Variants in ITFG1 observed in about 807,000 individuals in gnomAD.
The protein encoded by ITFG1 is T-cell immunomodulatory protein.
ITFG1 carries 34 observed loss-of-function variants against 81.8 expected under a neutral mutation model. The ratio of observed to expected loss-of-function variants is 0.42; its 90% CI spans 0.32 to 0.55. The LOEUF (loss-of-function observed/expected upper bound fraction) is 0.55, where lower values mean the gene tolerates loss of function less well. Among genes scored for constraint, ITFG1 ranks in the 20% least tolerant of loss-of-function variants. The pLI is 0.17. For synonymous variants in ITFG1, 285 were observed against 270.6 expected, an observed-to-expected ratio of 1.05 and a Z score of -0.52; for missense variants, 672 against 755.4, an observed-to-expected ratio of 0.89 and a Z score of 1.29.
chr16:47,344,886 C>G (rs914549559), intron 8 of ITFG1, among the ~76,000 whole-genome samples: 1 of 152,184 alleles, frequency 6.6e-6, no homozygotes, highest in Non-Finnish European at 1.5e-5. Context: ...CATGCTGTTG[C>G]AAATGACAGG....
At chr16:47,291,334 T>C (rs1449702361) in intron 10 of ITFG1, among the ~76,000 whole-genome samples, 1 of 152,208 alleles carries the variant, frequency 6.6e-6, no homozygotes, top group Non-Finnish European at 1.5e-5. Flanking sequence ...TGTTCTTTTT[T>C]GCTTTTTCTC....
rs1451913981 is a variant in ITFG1, at chr16:47,313,760, G to C, written c.866C>G (p.Thr289Ser). The change falls in exon 9 of 18, where the codon ACC (threonine) becomes AGC (serine). Residue 289 changes from threonine to serine, a missense_variant. Physicochemically the swap from Thr to Ser is moderately conservative, Grantham distance 58 (BLOSUM62 1). This residue lies in a region of ITFG1 where 560 missense variants were observed against 625.7 expected (regional missense o/e 0.90). Coordinates refer to ENST00000320640, the MANE Select transcript of ITFG1 (RefSeq NM_030790.5). Reference sequence around the variant, plus strand: ...CATCCCAGATCTCACTAAGTAGATGGTACTCTTTTGGCAATTTTTATCTTC... The same window carrying C: ...CATCCCAGATCTCACTAAGTAGATGCTACTCTTTTGGCAATTTTTATCTTC... Reference protein sequence around the residue: ...GCEDKNCQKSTIYLVRSGMKQ... With the variant: ...GCEDKNCQKSSIYLVRSGMKQ... 2 of 1,604,840 alleles carry C rather than the reference G, an allele frequency of 1.2e-6. No homozygotes were observed. The highest frequency in any genetic ancestry group is 1.7e-6 in the Non-Finnish European group (2 of 1,173,378).
At chr16:47,422,060 T>G (rs1460083525) in intron 6 of ITFG1, among the ~76,000 whole-genome samples, 1 of 152,244 alleles carries the variant, frequency 6.6e-6, no homozygotes, top group Non-Finnish European at 1.5e-5. Flanking sequence ...TGCCACATTT[T>G]CTTAACCCAG....
chr16:47,445,806 G>A (rs1459814579), intron 5 of ITFG1, among the ~76,000 whole-genome samples: 2 of 152,164 alleles, frequency 1.3e-5, no homozygotes, highest in Non-Finnish European at 2.9e-5. Context: ...TGAAGTCCAA[G>A]CTAGCCATGG....
At chr16:47,379,548 C>A (rs181871785) in intron 6 of ITFG1, among the ~76,000 whole-genome samples, 1 of 151,944 alleles carries the variant, frequency 6.6e-6, no homozygotes, top group Non-Finnish European at 1.5e-5. Context: ...ATTAGCCAGG[C>A]GTGGTGGTGT....
intron 17 of ITFG1, among the ~76,000 whole-genome samples, chr16:47,158,355 A>G (rs1964747752): frequency 6.6e-6 from 1 of 152,142 alleles, no homozygotes; most frequent in Admixed American, 6.6e-5. Flanking sequence ...TTGGCCTCCC[A>G]AAGTGCTGGG....
At chr16:47,207,884 CAG>C (rs1965520948) in intron 14 of ITFG1, among the ~76,000 whole-genome samples, 1 of 147,564 alleles carries the variant, frequency 6.8e-6, no homozygotes, top group South Asian at 2.1e-4. Flanking sequence ...CTGTACCAGA[CAG>C]AGTGAAATCA....
intron 14 of ITFG1, among the ~76,000 whole-genome samples, chr16:47,179,785 T>TA (rs1427258074): frequency 6.6e-6 from 1 of 152,188 alleles, no homozygotes; most frequent in African/African-American, 2.4e-5. Context: ...GTGAATAGTA[T>TA]ATGGGGAATT....
intron 6 of ITFG1, among the ~76,000 whole-genome samples, chr16:47,387,196 A>G (rs1968473305): frequency 6.6e-6 from 1 of 152,212 alleles, no homozygotes; most frequent in South Asian, 2.1e-4. Flanking sequence ...TCATACCAGG[A>G]TGACAAGGTA....
At chr16:47,431,846 C>T (rs1969099518) in intron 5 of ITFG1, among the ~76,000 whole-genome samples, 1 of 152,150 alleles carries the variant, frequency 6.6e-6, no homozygotes, top group South Asian at 2.1e-4. Flanking sequence ...GGTAGTACTT[C>T]TATCAACTAT....
chr16:47,218,999 A>T (rs1965659641), intron 13 of ITFG1, 53 bp from the exon 14 acceptor site: 1 of 1,326,438 alleles, frequency 7.5e-7, no homozygotes, highest in African/African-American at 1.5e-5. Flanking sequence ...GAATTATTGG[A>T]AGTTTCAGGC....
At chr16:47,205,844 CTAT>C (rs1385523852) in intron 14 of ITFG1, among the ~76,000 whole-genome samples, 1 of 122,016 alleles carries the variant, frequency 8.2e-6, no homozygotes, top group East Asian at 2.5e-4. Context: ...ATCTATCTAT[CTAT>C]CTATCTATCT....
At position 47,158,853 on chromosome 16, in the gene ITFG1, C is replaced by T. The variant is rs1177378419; in HGVS notation, c.1779+20G>A. ...TAGAATAAATTAACCAAAATTAATGCTTCCTTTAAATGAACAAACCTTTTC... is the reference window on the plus strand; with the variant it reads ...TAGAATAAATTAACCAAAATTAATGTTTCCTTTAAATGAACAAACCTTTTC... On this transcript the variant is annotated intron_variant, in intron 17 of 17. Transcript: ENST00000320640. The T allele has an allele frequency of 1.5e-6, 2 of 1,312,464 alleles. No individual in the cohort carries two copies. The highest frequency in any genetic ancestry group is 2.2e-6 in the Non-Finnish European group (2 of 920,990). 81.3% of individuals were successfully genotyped at this position (1,312,464 alleles called of 1,614,324 possible). A position where few individuals can be genotyped will look rare whatever the true frequency, so the allele number is the denominator to read the frequency against.
At chr16:47,416,038 G>A (rs544034061) in intron 6 of ITFG1, among the ~76,000 whole-genome samples, 35 of 152,272 alleles carry the variant, frequency 2.3e-4, no homozygotes, top group African/African-American at 8.4e-4. Flanking sequence ...AGGCTGCAAT[G>A]AGCCAAGATT....
At chr16:47,454,562 T>C (rs1969428787) in intron 2 of ITFG1, among the ~76,000 whole-genome samples, 2 of 152,180 alleles carry the variant, frequency 1.3e-5, no homozygotes, top group Non-Finnish European at 2.9e-5. Context: ...AAAGATATTA[T>C]TTATAAAATA....
In ITFG1 at chr16:47,365,823, A is replaced by G. The variant is rs768069335; in HGVS notation, c.767T>C (p.Met256Thr). The G allele has an allele frequency of 1.1e-5, 17 of 1,607,782 alleles. No individual in the cohort carries two copies. The highest frequency in any genetic ancestry group is 1.7e-4 in the Middle Eastern group (1 of 6,034). ...AAATGCTGACTGTCCAACCACCATC[A>G]TATTTTGAGGTTTTTCCAATATAGT... Reference protein sequence around the residue: ...VSTILEKPQNMMVVGQSAFAD... With the variant: ...VSTILEKPQNTMVVGQSAFAD... Residue 256 changes from methionine (M) to threonine (T), a missense_variant, in exon 8 of 18, where the codon ATG (methionine) becomes ACG (threonine). Physicochemically the swap from Met to Thr is moderately conservative, Grantham distance 81. Around this residue, in one of 3 missense-constraint regions of ITFG1, gnomAD observed 560 missense variants for 625.7 expected, o/e 0.90. Transcript: ENST00000320640.
rs569696555 is a variant in ITFG1 at position 47,439,818 on chromosome 16, A to C, written c.561-10920T>G. Among the ~76,000 whole-genome samples the C allele has an allele frequency of 6.1e-3, 930 of 152,278 alleles. 2 individuals are homozygous for C. The highest frequency in any genetic ancestry group is 9.9e-3 in the Admixed American group (152 of 15,288). ...CCAGCTAACATCATAATGACAGGATAAAATTCACACATAACAATACTAACC... is the reference window on the plus strand; with the variant it reads ...CCAGCTAACATCATAATGACAGGATCAAATTCACACATAACAATACTAACC... On this transcript the variant is annotated intron_variant, in intron 5 of 17. Coordinates refer to ENST00000320640, the MANE Select transcript of ITFG1 (RefSeq NM_030790.5).
At chr16:47,373,744 A>AG (rs1968288841) in intron 7 of ITFG1, among the ~76,000 whole-genome samples, 7 of 152,320 alleles carry the variant, frequency 4.6e-5, no homozygotes, top group Non-Finnish European at 1.0e-4. Context: ...CACTTCTGTA[A>AG]CTGCCAGAGC....
intron 8 of ITFG1, 79 bp from the exon 9 acceptor site, chr16:47,313,902 GTTC>G: frequency 1.4e-6 from 1 of 721,612 alleles, no homozygotes; most frequent in Admixed American, 3.0e-5. Flanking sequence ...TTTACTATTT[GTTC>G]AAAGTCTACA....
Sources: allele counts gnomAD v4.1 joint callset (sites outside exome capture counted in the v4.1 genomes callset), GRCh38; gene constraint gnomAD v4.1.1; regional missense constraint gnomAD v4.1.1; transcripts MANE v1.5; gene names NCBI Gene and HGNC (gene_info 2026-07-23, HGNC 2026-07-21).